DYNLT2B: variants seen among roughly 807,000 people sequenced by gnomAD.
DYNLT2B encodes the protein dynein light chain Tctex-type protein 2B.
A neutral mutation model predicts 19.5 loss-of-function variants in DYNLT2B; 14 were observed. That is an observed-to-expected ratio of 0.72 (90% CI 0.47 to 1.12). The LOEUF is 1.12. Among genes scored for constraint, DYNLT2B ranks in the 50% most tolerant of loss-of-function variants. The pLI is 0.00. For synonymous variants in DYNLT2B, 70 were observed against 59.7 expected, an observed-to-expected ratio of 1.17 and a Z score of -0.79; for missense variants, 133 against 174.7, an observed-to-expected ratio of 0.76 and a Z score of 1.35.
At chr3:196,314,966 A>G (rs1726741141) in intron 2 of DYNLT2B, among the ~76,000 whole-genome samples, 1 of 152,148 alleles carries the variant, frequency 6.6e-6, no homozygotes, top group Non-Finnish European at 1.5e-5. Flanking sequence ...GGGAGGAGAG[A>G]TGGACTGCAG....
At chr3:196,296,789 C>G (rs13320886) in intron 3 of DYNLT2B, among the ~76,000 whole-genome samples, 1,646 of 152,214 alleles carry the variant, frequency 0.011, 29 homozygotes, top group African/African-American at 0.038. Context: ...TGACGTGTCC[C>G]TGTAGTCCCA....
intron 2 of DYNLT2B, among the ~76,000 whole-genome samples, chr3:196,310,624 C>T (rs1413334138): frequency 2.6e-5 from 4 of 151,586 alleles, no homozygotes; most frequent in African/African-American, 9.7e-5. Flanking sequence ...GACACGGTTT[C>T]ACCATGTTGC....
chr3:196,316,805 G>GGT lies in DYNLT2B; in HGVS notation c.114-576_114-575dup, dbSNP rs138822134. The stretch of plus-strand genomic sequence containing the variant: ...TTCCATATTTGCCAAGCAAATATGG[G>GGT]GTGTGTGTGTGTGTGTAAAGTTAGT... On this transcript the variant is annotated intron_variant, in intron 1 of 4. Transcript: ENST00000325318. Among the ~76,000 whole-genome samples, 637 of 148,742 alleles carry GGT rather than the reference G, an allele frequency of 4.3e-3. 3 individuals carry two copies. Among genetic ancestry groups the GGT allele is most frequent in the African/African-American group, 5.3e-3 (214 of 40,586 alleles).
At chr3:196,314,354 T>C (rs957327932) in intron 2 of DYNLT2B, among the ~76,000 whole-genome samples, 1 of 150,950 alleles carries the variant, frequency 6.6e-6, no homozygotes, top group Non-Finnish European at 1.5e-5. Context: ...TTCCAACTGC[T>C]TGGGAGGCTG....
At chr3:196,303,772 A>G (rs1285060856) in intron 3 of DYNLT2B, among the ~76,000 whole-genome samples, 1 of 152,254 alleles carries the variant, frequency 6.6e-6, no homozygotes, top group Non-Finnish European at 1.5e-5. Context: ...GACATTAGGA[A>G]CAAACTAGAA....
At chr3:196,299,800 G>T (rs1485879207) in intron 3 of DYNLT2B, among the ~76,000 whole-genome samples, 1 of 151,884 alleles carries the variant, frequency 6.6e-6, no homozygotes, top group South Asian at 2.1e-4. Flanking sequence ...GTGTGGTGGC[G>T]GGCGCCTGTA....
intron 4 of DYNLT2B, among the ~76,000 whole-genome samples, chr3:196,291,607 T>C (rs1202977878): frequency 6.6e-6 from 1 of 152,082 alleles, no homozygotes; most frequent in African/African-American, 2.4e-5. Context: ...GCCTCCAGAG[T>C]AGCTAGGACC....
At chr3:196,314,071 C>T (rs183573269) in intron 2 of DYNLT2B, among the ~76,000 whole-genome samples, 3 of 152,012 alleles carry the variant, frequency 2.0e-5, no homozygotes, top group African/African-American at 7.2e-5. Context: ...GGACTCCAGC[C>T]TGGGCAACAA....
At position 196,291,235 on chromosome 3, in the gene DYNLT2B, C is replaced by T; in HGVS notation, c.*92G>A. The stretch of plus-strand genomic sequence containing the variant: ...CACAACAGATTCAGTTGTCAAACTA[C>T]TAACATCTTTATTTTGTCAAGATAT... On this transcript the variant is annotated 3_prime_UTR_variant, in exon 5 of 5. Coordinates refer to ENST00000325318, the MANE Select transcript of DYNLT2B (RefSeq NM_152773.5). 8.3e-7 allele frequency: 1 copy of T among 1,211,800 alleles called. No homozygotes were observed. Among genetic ancestry groups the T allele is most frequent in the South Asian group, 1.5e-5 (1 of 67,310 alleles). 75.1% of individuals were successfully genotyped at this position (1,211,800 alleles called of 1,614,324 possible).
chr3:196,296,075 A>C lies in DYNLT2B; in HGVS notation c.318-6T>G. ...AGAAACAGCGAGAAGCCATGCTAAA[A>C]AATCCAAGAATGAAGAATTATCAAC... On this transcript the variant is annotated splice_region_variant and splice_polypyrimidine_tract_variant and intron_variant, in intron 3 of 4. Transcript: ENST00000325318. 6.2e-7 allele frequency: 1 copy of C among 1,613,622 alleles called. No homozygotes were observed. The highest frequency in any genetic ancestry group is 8.5e-7 in the Non-Finnish European group (1 of 1,179,566).
chr3:196,299,078 A>AT (rs1317342225), intron 3 of DYNLT2B, among the ~76,000 whole-genome samples: 57 of 117,258 alleles, frequency 4.9e-4, no homozygotes, highest in African/African-American at 1.3e-3. Flanking sequence ...TGCCTGGCTA[A>AT]TTTTTTTTTT....
At chr3:196,291,468 A>C in intron 4 of DYNLT2B, 94 bp from the exon 5 acceptor site, 88 of 1,327,882 alleles carry the variant, frequency 6.6e-5, no homozygotes, top group Non-Finnish European at 7.9e-5. Context: ...ACACCATCTC[A>C]GATCTTTCCA....
chr3:196,295,379 T>C (rs1260218229), intron 4 of DYNLT2B, among the ~76,000 whole-genome samples: 1 of 152,210 alleles, frequency 6.6e-6, no homozygotes, highest in Non-Finnish European at 1.5e-5. Context: ...CAGGCTGGTC[T>C]TGAACTCCTG....
At chr3:196,316,687 C>G (rs567769433) in intron 1 of DYNLT2B, among the ~76,000 whole-genome samples, 1 of 152,040 alleles carries the variant, frequency 6.6e-6, no homozygotes, top group African/African-American at 2.4e-5. Flanking sequence ...GGGAAAAATC[C>G]TGTATGAAAT....
chr3:196,300,656 G>T (rs1325277169), intron 3 of DYNLT2B, among the ~76,000 whole-genome samples: 1 of 149,932 alleles, frequency 6.7e-6, no homozygotes, highest in East Asian at 2.0e-4. Flanking sequence ...TTGAACCCGG[G>T]AGGCTGAGGT....
intron 2 of DYNLT2B, among the ~76,000 whole-genome samples, chr3:196,308,650 G>A (rs1185399016): frequency 6.6e-6 from 1 of 152,198 alleles, no homozygotes; most frequent in Non-Finnish European, 1.5e-5. Flanking sequence ...TCTGATGAAC[G>A]TGCAGGTTCC....
intron 2 of DYNLT2B, among the ~76,000 whole-genome samples, chr3:196,313,051 T>C (rs1422462473): frequency 6.6e-6 from 1 of 152,032 alleles, no homozygotes; most frequent in Non-Finnish European, 1.5e-5. Flanking sequence ...GAAAATGACA[T>C]GGTCAAGGAA....
chr3:196,306,728 A>G (rs1726498769), intron 3 of DYNLT2B, among the ~76,000 whole-genome samples: 1 of 151,802 alleles, frequency 6.6e-6, no homozygotes, highest in Non-Finnish European at 1.5e-5. Context: ...TTTAGTAGAG[A>G]CGGGGTTTCG....
intron 2 of DYNLT2B, among the ~76,000 whole-genome samples, chr3:196,310,619 G>T (rs1404898318): frequency 6.6e-6 from 1 of 150,486 alleles, no homozygotes; most frequent in Non-Finnish European, 1.5e-5. Context: ...GTAGAGACAC[G>T]GTTTCACCAT....
Sources: gnomAD v4.1 joint callset for allele counts (sites outside exome capture counted in the v4.1 genomes callset) on GRCh38, gnomAD v4.1.1 for gene constraint, MANE v1.5 for transcripts, NCBI Gene and HGNC (gene_info 2026-07-23, HGNC 2026-07-21) for gene names.